Variants in TMEM177 observed in about 807,000 individuals in gnomAD.
The protein encoded by TMEM177 is transmembrane protein 177.
In TMEM177, 4 loss-of-function variants were observed where a neutral mutation model predicts 14.2. The ratio of observed to expected loss-of-function variants is 0.28; its 90% CI spans 0.14 to 0.64. TMEM177 has a LOEUF of 0.64. TMEM177 is among the 30% of genes least tolerant of loss of function. The pLI, the probability that TMEM177 is intolerant of heterozygous loss-of-function variation, is 0.82. For synonymous variants in TMEM177, 179 were observed against 174.5 expected (o/e 1.03, Z -0.20); for missense variants, 344 against 405.2 (o/e 0.85, Z 1.30).
chr2:119,699,266 G>A, the TMEM177 span, among the ~76,000 whole-genome samples: 3 of 152,148 alleles, frequency 2.0e-5, no homozygotes, highest in East Asian at 1.9e-4. Flanking sequence ...CAACAAGATG[G>A]CAGGAAGAGA....
chr2:119,706,318 G>A, the TMEM177 span, among the ~76,000 whole-genome samples: 3,158 of 152,184 alleles, frequency 0.021, 44 homozygotes, highest in Non-Finnish European at 0.032. Flanking sequence ...GAGCCACAGC[G>A]CCTGGCCGAA....
chr2:119,691,935 T>C, the TMEM177 span, among the ~76,000 whole-genome samples: 6 of 152,206 alleles, frequency 3.9e-5, no homozygotes, highest in Non-Finnish European at 7.3e-5. Context: ...GACACCTGAT[T>C]GTCCTGTGCT....
chr2:119,684,325 C>T (rs911521808), downstream of TMEM177, among the ~76,000 whole-genome samples: 2 of 152,122 alleles, frequency 1.3e-5, no homozygotes, highest in Admixed American at 6.5e-5. Context: ...TGTTCACTCA[C>T]ACGTTGCTTC....
Position 119,681,577 on chromosome 2 carries a change from T to C in TMEM177, c.724T>C (p.Tyr242His). 6.2e-7 allele frequency: 1 copy of C among 1,614,244 alleles called. No individual in the cohort carries two copies. Among genetic ancestry groups the C allele is most frequent in the African/African-American group, 1.3e-5 (1 of 75,078 alleles). ...DRRTASLSAAYACGGVEFYEK... is the reference protein window; with the variant it reads ...DRRTASLSAAHACGGVEFYEK... ...CCGCACGGCCTCCCTCTCTGCAGCCTATGCCTGTGGTGGAGTGGAGTTCTA... is the reference window on the plus strand; with the variant it reads ...CCGCACGGCCTCCCTCTCTGCAGCCCATGCCTGTGGTGGAGTGGAGTTCTA... Residue 242 changes from tyrosine (Y) to histidine (H), a missense_variant, in exon 2 of 2, where the codon TAT becomes CAT. Tyr to His is a moderately conservative substitution (Grantham distance 83). Coordinates refer to ENST00000272521, the MANE Select transcript of TMEM177 (RefSeq NM_030577.3).
At chr2:119,693,446 T>G in the TMEM177 span, among the ~76,000 whole-genome samples, 1 of 151,064 alleles carries the variant, frequency 6.6e-6, no homozygotes, top group African/African-American at 2.4e-5. Flanking sequence ...AGATGCGGAG[T>G]GAAGTTGGGT....
the TMEM177 span, among the ~76,000 whole-genome samples, chr2:119,721,901 G>A: frequency 1.3e-5 from 2 of 152,160 alleles, no homozygotes; most frequent in African/African-American, 4.8e-5. Flanking sequence ...CAATCACCAG[G>A]AGAATGTCAC....
the TMEM177 span, among the ~76,000 whole-genome samples, chr2:119,704,221 A>G: frequency 6.6e-6 from 1 of 152,214 alleles, no homozygotes. Context: ...TGAAGAAGGT[A>G]CTCTAGACAT....
At chr2:119,700,424 G>A in the TMEM177 span, among the ~76,000 whole-genome samples, 8 of 152,276 alleles carry the variant, frequency 5.3e-5, no homozygotes, top group East Asian at 3.9e-4. Flanking sequence ...CGGTCAACTC[G>A]AGCTTGTCCA....
the TMEM177 span, among the ~76,000 whole-genome samples, chr2:119,720,351 C>T: frequency 6.6e-6 from 1 of 151,870 alleles, no homozygotes; most frequent in East Asian, 1.9e-4. Context: ...CTCGGCTCAC[C>T]GCAACCTCTG....
chr2:119,710,174 G>C, the TMEM177 span, among the ~76,000 whole-genome samples: 1 of 152,200 alleles, frequency 6.6e-6, no homozygotes, highest in Non-Finnish European at 1.5e-5. Context: ...AAATAAACTG[G>C]TTAGAATGTC....
chr2:119,707,383 G>A, the TMEM177 span, among the ~76,000 whole-genome samples: 1 of 152,212 alleles, frequency 6.6e-6, no homozygotes, highest in Non-Finnish European at 1.5e-5. Context: ...ACGGATTTGG[G>A]TTAGGTCACC....
chr2:119,682,227 C>G (rs1688926820), downstream of TMEM177: 1 of 154,822 alleles, frequency 6.5e-6, no homozygotes, highest in Non-Finnish European at 1.4e-5. Flanking sequence ...CTCAAGTGAT[C>G]CACCCTCCTC....
At chr2:119,716,746 T>C in the TMEM177 span, among the ~76,000 whole-genome samples, 1 of 152,172 alleles carries the variant, frequency 6.6e-6, no homozygotes, top group Non-Finnish European at 1.5e-5. Context: ...ATGCAATTAT[T>C]TGGGGGTCTC....
At chr2:119,694,091 CAT>C in the TMEM177 span, among the ~76,000 whole-genome samples, 19 of 26,230 alleles carry the variant, frequency 7.2e-4, no homozygotes, top group South Asian at 1.3e-3. Flanking sequence ...ACACCACACA[CAT>C]GGCACACACA....
At chr2:119,715,919 G>C in the TMEM177 span, among the ~76,000 whole-genome samples, 3 of 152,304 alleles carry the variant, frequency 2.0e-5, no homozygotes, top group East Asian at 5.8e-4. Context: ...TCAGAGGGGA[G>C]GGTGGCCCAA....
chr2:119,703,277 A>G, the TMEM177 span, among the ~76,000 whole-genome samples: 1 of 152,222 alleles, frequency 6.6e-6, no homozygotes, highest in African/African-American at 2.4e-5. Context: ...TTGATGGCAC[A>G]TCATGGTTTC....
the TMEM177 span, among the ~76,000 whole-genome samples, chr2:119,694,106 C>CAA: frequency 2.2e-5 from 2 of 91,190 alleles, no homozygotes; most frequent in South Asian, 4.3e-4. Context: ...CACACACAAA[C>CAA]ACATACCACA....
chr2:119,681,975 G>A lies in TMEM177; in HGVS notation c.*186G>A, dbSNP rs988602878. 25 of 600,470 alleles carry A rather than the reference G, an allele frequency of 4.2e-5. No individual in the cohort carries two copies. The highest frequency in any genetic ancestry group is 6.0e-5 in the Non-Finnish European group (20 of 335,250). 37.2% of individuals were successfully genotyped at this position (600,470 alleles called of 1,614,324 possible). Reference sequence around the variant, plus strand: ...TCAGGGACTATGAGGGACTATTCAGGGGCTATGAATCTGAGCCTTTGTTTC... The same window carrying A: ...TCAGGGACTATGAGGGACTATTCAGAGGCTATGAATCTGAGCCTTTGTTTC... On this transcript the variant is annotated 3_prime_UTR_variant, in exon 2 of 2. Transcript: ENST00000272521.
At chr2:119,717,866 T>TG in the TMEM177 span, among the ~76,000 whole-genome samples, 1 of 152,074 alleles carries the variant, frequency 6.6e-6, no homozygotes, top group East Asian at 1.9e-4. Flanking sequence ...GTGATCCACC[T>TG]GTCTCGGCCT....
Sources: allele counts gnomAD v4.1 joint callset (sites outside exome capture counted in the v4.1 genomes callset), GRCh38; gene constraint gnomAD v4.1.1; transcripts MANE v1.5; gene names NCBI Gene and HGNC (gene_info 2026-07-23, HGNC 2026-07-21).